The following CPD variants were observed in gnomAD, a reference collection of about 807,000 sequenced individuals.
The protein encoded by CPD is metallocarboxypeptidase D.
In CPD, 69 loss-of-function variants were observed where a neutral mutation model predicts 138.3. The ratio of observed to expected loss-of-function variants is 0.50; its 90% CI spans 0.41 to 0.61. CPD has a LOEUF of 0.61. Among genes scored for constraint, CPD ranks in the 20% least tolerant of loss-of-function variants. CPD has a pLI of 0.00. For synonymous variants in CPD, 651 were observed against 642.1 expected (o/e 1.01, Z -0.21); for missense variants, 1,432 against 1,733.3 (o/e 0.83, Z 3.09).
chr17:30,437,083 CAG>C (rs1912723088), intron 8 of CPD, among the ~76,000 whole-genome samples: 1 of 140,816 alleles, frequency 7.1e-6, no homozygotes, highest in African/African-American at 2.7e-5. Flanking sequence ...CCCATAGAGA[CAG>C]AAAGTAGATT....
chr17:30,454,017 CT>C (rs1277906008), intron 14 of CPD: 1 of 152,250 alleles, frequency 6.6e-6, no homozygotes, highest in Non-Finnish European at 1.5e-5. Flanking sequence ...GTTTTTCCTC[CT>C]GGGCCTCCAG....
intron 1 of CPD, 24 bp from the exon 2 acceptor site, chr17:30,384,964 AC>A: frequency 1.2e-6 from 2 of 1,602,586 alleles, no homozygotes; most frequent in South Asian, 2.2e-5. Flanking sequence ...TTTTAGTGAT[AC>A]GTGATTTGGT....
At chr17:30,440,471 T>TG (rs1473828035) in intron 9 of CPD, among the ~76,000 whole-genome samples, 4 of 140,236 alleles carry the variant, frequency 2.9e-5, no homozygotes, top group African/African-American at 1.1e-4. Context: ...GTTTTGGACA[T>TG]GAAGTCCTTG....
intron 2 of CPD, among the ~76,000 whole-genome samples, chr17:30,391,697 A>G (rs1440940336): frequency 6.6e-6 from 1 of 152,040 alleles, no homozygotes; most frequent in African/African-American, 2.4e-5. Context: ...TGAGAGACAA[A>G]TTAATGAATT....
intron 1 of CPD, among the ~76,000 whole-genome samples, chr17:30,382,253 AC>A (rs1475899989): frequency 6.6e-6 from 1 of 152,164 alleles, no homozygotes; most frequent in Non-Finnish European, 1.5e-5. Context: ...CAAGTTATCT[AC>A]AGGGTTACCT....
In CPD at chr17:30,443,082, A is replaced by C. The variant is rs9910143; in HGVS notation, c.2373+632A>C. The stretch of plus-strand genomic sequence containing the variant: ...ACAGAAAAGTTATGACTAGCCAATA[A>C]TTATTCCTATACCTAGATTTAACAT... On this transcript the variant is annotated intron_variant, in intron 10 of 20. Coordinates refer to ENST00000225719, the MANE Select transcript of CPD (RefSeq NM_001304.5). Among the ~76,000 whole-genome samples the C allele has an allele frequency of 4.8e-3, 729 of 152,244 alleles. 10 individuals are homozygous for C. Among genetic ancestry groups the C allele is most frequent in the African/African-American group, 0.017 (697 of 41,566 alleles).
In CPD at chr17:30,465,708, C is replaced by T. The variant is rs962045037; in HGVS notation, c.*894C>T. 1 of 152,592 alleles carries T rather than the reference C, an allele frequency of 6.6e-6. No homozygotes were observed. The highest frequency in any genetic ancestry group is 2.4e-5 in the African/African-American group (1 of 41,430). 9.5% of individuals were successfully genotyped at this position (152,592 alleles called of 1,614,324 possible). ...TCGGAACCTTTTTCTATGTTGCACA[C>T]ATGGTTTTCAGATGACCCAGCCATC... On this transcript the variant is annotated 3_prime_UTR_variant, in exon 21 of 21. Transcript: ENST00000225719.
Position 30,421,755 on chromosome 17 carries a change from A to G in CPD, c.1229A>G (p.Asn410Ser), listed in dbSNP as rs745350591. The G allele has an allele frequency of 1.4e-5, 22 of 1,613,776 alleles. No homozygotes were observed. The East Asian group carries it at 4.2e-4, about 31-fold the overall frequency. ...ATISVAGINH[N>S]ITTGRFGDFY... ...ATCTCAGTGGCTGGTATTAATCATA[A>G]TATCACAACAGGCAGATTTGGTGAT... is the stretch of plus-strand genomic sequence containing the variant. The change falls in exon 4 of 21, where the codon AAT (asparagine) becomes AGT (serine). Residue 410 changes from asparagine to serine, a missense_variant. Asn to Ser is a conservative substitution (Grantham distance 46). Around this residue, in one of 6 missense-constraint regions of CPD, gnomAD observed 160 missense variants for 197.9 expected, o/e 0.81. Coordinates refer to ENST00000225719, the MANE Select transcript of CPD (RefSeq NM_001304.5).
chr17:30,455,078 G>GT (rs1567883796), intron 14 of CPD: 1 of 252,572 alleles, frequency 4.0e-6, no homozygotes, highest in Non-Finnish European at 7.5e-6. Context: ...TATTCTTTTT[G>GT]TTTTTTTAAT....
chr17:30,391,191 G>A (rs188079841), intron 2 of CPD, among the ~76,000 whole-genome samples: 3 of 134,564 alleles, frequency 2.2e-5, no homozygotes, highest in South Asian at 2.3e-4. Flanking sequence ...TTTGCCTACC[G>A]TTCTTTCTTC....
rs1913601140 is a variant in CPD at position 30,465,121 on chromosome 17, TG to T, written c.*308del. 2 of 294,712 alleles carry T rather than the reference TG, an allele frequency of 6.8e-6. No homozygotes were observed. The highest frequency in any genetic ancestry group is 8.8e-5 in the South Asian group (2 of 22,804). The allele number at this position is 294,712 out of a possible 1,614,324, so 18.3% of individuals were successfully genotyped here. A position where few individuals can be genotyped will look rare whatever the true frequency, so the allele number is the denominator to read the frequency against. ...TGGCATAAAGCCAACTAGAGGATGT[TG>T]TATTTTGCACATCAGATGTTTACTA... On this transcript the variant is annotated 3_prime_UTR_variant, in exon 21 of 21. Transcript: ENST00000225719.
chr17:30,445,671 A>T lies in CPD; in HGVS notation c.2544-20A>T. On this transcript the variant is annotated intron_variant, in intron 11 of 20. Coordinates refer to ENST00000225719, the MANE Select transcript of CPD (RefSeq NM_001304.5). Reference sequence around the variant, plus strand: ...CTCCAGCTGCAGGAGTGTGGTTCTGATCTGTCTCCTTTATCATAGGTATAA... The same window carrying T: ...CTCCAGCTGCAGGAGTGTGGTTCTGTTCTGTCTCCTTTATCATAGGTATAA... 1 of 1,545,088 alleles carries T rather than the reference A, an allele frequency of 6.5e-7. No individual in the cohort carries two copies. The highest frequency in any genetic ancestry group is 8.8e-7 in the Non-Finnish European group (1 of 1,138,890).
At chr17:30,445,254 C>A (rs548443289) in intron 11 of CPD, among the ~76,000 whole-genome samples, 6 of 152,220 alleles carry the variant, frequency 3.9e-5, no homozygotes, top group African/African-American at 1.4e-4. Context: ...CACTTGAGGT[C>A]AGAAGTTTGA....
chr17:30,449,960 A>T (rs1913124990), intron 13 of CPD, among the ~76,000 whole-genome samples: 1 of 152,054 alleles, frequency 6.6e-6, no homozygotes, highest in African/African-American at 2.4e-5. Context: ...ATGTCTTAAG[A>T]GGCATGCAGG....
At chr17:30,425,561 C>T (rs190269853) in intron 6 of CPD, among the ~76,000 whole-genome samples, 98 of 150,880 alleles carry the variant, frequency 6.5e-4, no homozygotes, top group African/African-American at 2.3e-3. Flanking sequence ...GAGACTGAGG[C>T]ACAAGAATTG....
chr17:30,451,355 T>G (rs905452538), intron 13 of CPD, among the ~76,000 whole-genome samples: 1 of 152,180 alleles, frequency 6.6e-6, no homozygotes, highest in Non-Finnish European at 1.5e-5. Flanking sequence ...CTTACTCAAC[T>G]CTGCCATTAG....
intron 2 of CPD, among the ~76,000 whole-genome samples, chr17:30,401,419 C>T (rs1261245876): frequency 6.6e-6 from 1 of 150,808 alleles, no homozygotes; most frequent in Non-Finnish European, 1.5e-5. Context: ...TCTTCCTCTT[C>T]CTCCTCTTCC....
At chr17:30,396,496 T>G (rs976631718) in intron 2 of CPD, among the ~76,000 whole-genome samples, 2 of 152,202 alleles carry the variant, frequency 1.3e-5, no homozygotes, top group Non-Finnish European at 2.9e-5. Flanking sequence ...AATGAAGGAT[T>G]GAATTTATTA....
At chr17:30,413,566 A>C (rs918846476) in intron 2 of CPD, among the ~76,000 whole-genome samples, 1 of 152,238 alleles carries the variant, frequency 6.6e-6, no homozygotes, top group Non-Finnish European at 1.5e-5. Context: ...CCATTGCTCC[A>C]ACCTCCTTTT....
Sources: allele counts gnomAD v4.1 joint callset (sites outside exome capture counted in the v4.1 genomes callset), GRCh38; gene constraint gnomAD v4.1.1; regional missense constraint gnomAD v4.1.1; transcripts MANE v1.5; gene names NCBI Gene and HGNC (gene_info 2026-07-23, HGNC 2026-07-21).